CNTNAP2: variants seen among roughly 807,000 people sequenced by gnomAD.
The protein encoded by CNTNAP2 is contactin-associated protein-like 2.
CNTNAP2 carries 98 observed loss-of-function variants against 155.2 expected under a neutral mutation model. The ratio of observed to expected loss-of-function variants is 0.63; its 90% CI spans 0.54 to 0.75. The LOEUF (loss-of-function observed/expected upper bound fraction) is 0.75. Ranked by LOEUF, CNTNAP2 falls within the 30% of genes least tolerant of loss-of-function variation. CNTNAP2 has a pLI of 0.00. For missense variants in CNTNAP2, 1,727 were observed against 1,688.1 expected, an observed-to-expected ratio of 1.02 and a Z score of -0.40; for synonymous variants, 651 against 631.2, an observed-to-expected ratio of 1.03 and a Z score of -0.47.
rs115764220 is a variant in CNTNAP2, at chr7:147,140,480, A to G, written c.1348+7971A>G. On this transcript the variant is annotated intron_variant, in intron 8 of 23. Coordinates refer to ENST00000361727, the MANE Select transcript of CNTNAP2 (RefSeq NM_014141.6). ...TTTAGGTCATAACTTCCTCTTGCCTATGAATATTGCTTACCCTTTTGGGCA... is the reference window on the plus strand; with the variant it reads ...TTTAGGTCATAACTTCCTCTTGCCTGTGAATATTGCTTACCCTTTTGGGCA... Among the ~76,000 whole-genome samples, 443 of 152,102 alleles carry G rather than the reference A, an allele frequency of 2.9e-3. 2 individuals are homozygous for G. The highest frequency in any genetic ancestry group is 0.01 in the African/African-American group (420 of 41,512).
intron 1 of CNTNAP2, among the ~76,000 whole-genome samples, chr7:146,454,031 A>G (rs572290646): frequency 2.4e-4 from 37 of 152,300 alleles, no homozygotes; most frequent in African/African-American, 8.4e-4. Flanking sequence ...TTCAAAAAAA[A>G]TAGAAGTTCA....
chr7:147,385,351 G>T (rs1407278548), intron 9 of CNTNAP2, among the ~76,000 whole-genome samples: 1 of 152,070 alleles, frequency 6.6e-6, no homozygotes, highest in Non-Finnish European at 1.5e-5. Flanking sequence ...ACTCATTTCA[G>T]CATTAACTCA....
chr7:146,808,471 C>G (rs1225300061), intron 2 of CNTNAP2, among the ~76,000 whole-genome samples: 1 of 152,090 alleles, frequency 6.6e-6, no homozygotes, highest in African/African-American at 2.4e-5. Flanking sequence ...GCTGATTTTG[C>G]TCACTTCTGA....
intron 15 of CNTNAP2, among the ~76,000 whole-genome samples, chr7:148,032,160 AGATGTTCTG>A (rs1320377121): frequency 4.6e-5 from 7 of 152,108 alleles, no homozygotes; most frequent in African/African-American, 1.4e-4. Flanking sequence ...CGCCTGGAAG[AGATGTTCTG>A]GATGTCAGTA....
intron 8 of CNTNAP2, among the ~76,000 whole-genome samples, chr7:147,250,838 C>A (rs1376779450): frequency 6.6e-6 from 1 of 152,154 alleles, no homozygotes; most frequent in Non-Finnish European, 1.5e-5. Context: ...AGCAGTCTGT[C>A]CGAGCAAGTC....
At chr7:146,556,150 A>G (rs1798195410) in intron 1 of CNTNAP2, among the ~76,000 whole-genome samples, 1 of 152,014 alleles carries the variant, frequency 6.6e-6, no homozygotes, top group African/African-American at 2.4e-5. Flanking sequence ...TTTCTATTGT[A>G]TAATGTCAGT....
At chr7:146,281,454 G>T (rs991135061) in intron 1 of CNTNAP2, among the ~76,000 whole-genome samples, 1 of 152,072 alleles carries the variant, frequency 6.6e-6, no homozygotes, top group Non-Finnish European at 1.5e-5. Flanking sequence ...ACTCTGATTC[G>T]TACCTCAGTC....
rs185328917 is a variant in CNTNAP2, at chr7:147,272,708, C to T, written c.1349-27433C>T. Among the ~76,000 whole-genome samples the T allele has an allele frequency of 5.8e-3, 859 of 147,140 alleles. 13 individuals carry two copies. The highest frequency in any genetic ancestry group is 0.02 in the African/African-American group (810 of 40,140). On this transcript the variant is annotated intron_variant, in intron 8 of 23. Transcript: ENST00000361727. ...ATTTGTAGTGGAGATGGGGTTTCAC[C>T]GTGTTAGCCAGGATGCTCTCGATCT...
intron 1 of CNTNAP2, among the ~76,000 whole-genome samples, chr7:146,125,315 G>A (rs147757459): frequency 0.018 from 2,723 of 152,112 alleles, 55 homozygotes; most frequent in African/African-American, 0.054. Context: ...GGTGGCTCAC[G>A]CCTGTAATCC....
At chr7:146,893,112 A>G (rs1017358235) in intron 3 of CNTNAP2, among the ~76,000 whole-genome samples, 1 of 152,130 alleles carries the variant, frequency 6.6e-6, no homozygotes, top group Non-Finnish European at 1.5e-5. Flanking sequence ...TTTATTTTAT[A>G]TCTCTTGCAT....
At chr7:147,942,839 C>A (rs562263068) in intron 14 of CNTNAP2, among the ~76,000 whole-genome samples, 1 of 152,014 alleles carries the variant, frequency 6.6e-6, no homozygotes, top group African/African-American at 2.4e-5. Context: ...AGATCGAGAC[C>A]ATCCTGGCTA....
intron 3 of CNTNAP2, among the ~76,000 whole-genome samples, chr7:146,927,977 T>A (rs1015369820): frequency 1.1e-4 from 16 of 148,110 alleles, no homozygotes; most frequent in East Asian, 5.9e-4. Context: ...TATATATATA[T>A]AAATATATAT....
chr7:146,187,959 G>C (rs181175187), intron 1 of CNTNAP2, among the ~76,000 whole-genome samples: 30 of 152,272 alleles, frequency 2.0e-4, no homozygotes, highest in Admixed American at 1.3e-3. Context: ...AATACTGTGA[G>C]CAGAACAGTT....
At chr7:148,283,113 C>T (rs552294163) in intron 21 of CNTNAP2, among the ~76,000 whole-genome samples, 7 of 149,488 alleles carry the variant, frequency 4.7e-5, no homozygotes, top group Admixed American at 1.4e-4. Flanking sequence ...GTGGCAGGCA[C>T]CTGTAAGCTC....
intron 8 of CNTNAP2, among the ~76,000 whole-genome samples, chr7:147,197,416 T>A (rs558121030): frequency 6.6e-6 from 1 of 151,802 alleles, no homozygotes; most frequent in Admixed American, 6.6e-5. Context: ...GCTCTGTGTG[T>A]TTCGTCCAGC....
At chr7:147,242,670 CCATTT>C (rs1425665882) in intron 8 of CNTNAP2, among the ~76,000 whole-genome samples, 2 of 152,060 alleles carry the variant, frequency 1.3e-5, no homozygotes, top group Non-Finnish European at 2.9e-5. Flanking sequence ...TTAAATTCTT[CCATTT>C]ATTATTTCTT....
At chr7:148,058,662 G>A (rs1585102575) in intron 15 of CNTNAP2, among the ~76,000 whole-genome samples, 1 of 152,124 alleles carries the variant, frequency 6.6e-6, no homozygotes, top group South Asian at 2.1e-4. Flanking sequence ...AGGGGACTAG[G>A]GGGCTGCAGA....
At chr7:146,816,074 C>G (rs1335005901) in intron 2 of CNTNAP2, among the ~76,000 whole-genome samples, 3 of 152,174 alleles carry the variant, frequency 2.0e-5, no homozygotes, top group African/African-American at 4.8e-5. Context: ...ATCCATGTCT[C>G]TACAAAGGAC....
chr7:147,194,196 C>A (rs752271530), intron 8 of CNTNAP2, among the ~76,000 whole-genome samples: 3 of 151,466 alleles, frequency 2.0e-5, no homozygotes, highest in Non-Finnish European at 4.4e-5. Flanking sequence ...GTTTTTGGTT[C>A]CTGTGTTAGT....
Sources: allele counts gnomAD v4.1 joint callset (sites outside exome capture counted in the v4.1 genomes callset), GRCh38; gene constraint gnomAD v4.1.1; transcripts MANE v1.5; gene names NCBI Gene and HGNC (gene_info 2026-07-23, HGNC 2026-07-21).